The following DEFB134 variants were observed in gnomAD, a reference collection of about 807,000 sequenced individuals.
DEFB134 encodes defensin beta 134.
A neutral mutation model predicts 7.4 loss-of-function variants in DEFB134; 7 were observed. That is an observed-to-expected ratio of 0.95 (90% CI 0.54 to 1.79). DEFB134 has a LOEUF of 1.79. DEFB134 is among the 40% of genes most tolerant of loss of function. DEFB134 has a pLI of 0.00. For synonymous variants in DEFB134, 33 were observed against 25.0 expected (o/e 1.32, Z -0.96); for missense variants, 105 against 74.8 (o/e 1.40, Z -1.49).
upstream of DEFB134, among the ~76,000 whole-genome samples, chr8:12,000,295 A>G (rs184245587): frequency 6.6e-6 from 1 of 152,096 alleles, no homozygotes; most frequent in Non-Finnish European, 1.5e-5. Context: ...CTCTGATTAG[A>G]CTGTGAAATC....
intron 1 of DEFB134, 84 bp from the exon 3 acceptor site, chr8:11,994,206 C>A: frequency 1.4e-6 from 2 of 1,449,062 alleles, no homozygotes; most frequent in South Asian, 1.3e-5. Flanking sequence ...TTTATCCAAC[C>A]GGATACCAAG....
upstream of DEFB134, among the ~76,000 whole-genome samples, chr8:11,996,543 T>C (rs1800128825): frequency 1.3e-5 from 2 of 152,356 alleles, no homozygotes; most frequent in South Asian, 4.1e-4. Context: ...AACTATGTGC[T>C]CTTACTCTTT....
At chr8:11,994,801 T>C (rs1388030692) in intron 1 of DEFB134, among the ~76,000 whole-genome samples, 1 of 152,208 alleles carries the variant, frequency 6.6e-6, no homozygotes, top group African/African-American at 2.4e-5. Flanking sequence ...GAGTATGATA[T>C]AGACCTTAAC....
exon 2 of DEFB134, chr8:11,994,026 C>G (rs944743947): frequency 6.2e-7 from 1 of 1,613,894 alleles, no homozygotes; most frequent in Non-Finnish European, 8.5e-7. Context: ...CTGAAACATA[C>G]AGTAGGCAAC....
chr8:11,996,056 C>G, intron 1 of DEFB134, 138 bp downstream of exon 2: 1 of 1,004,390 alleles, frequency 1.0e-6, no homozygotes, highest in Non-Finnish European at 1.5e-6. Context: ...CCAGGTCTTG[C>G]TGACATCAAA....
Position 11,996,256 on chromosome 8 carries a change from G to A in DEFB134, c.-5C>T, listed in dbSNP as rs1286735702. 6.2e-7 allele frequency: 1 copy of A among 1,613,536 alleles called. No homozygotes were observed. The highest frequency in any genetic ancestry group is 8.5e-7 in the Non-Finnish European group (1 of 1,179,580). Reference sequence around the variant, plus strand: ...CACAACAAGGAGAGGCTTCATGGCTGGGAACTTCTGTTAAGGAGGCTAGTG... The same window carrying A: ...CACAACAAGGAGAGGCTTCATGGCTAGGAACTTCTGTTAAGGAGGCTAGTG... On this transcript the variant is annotated 5_prime_UTR_variant, in exon 1 of 2. It introduces an in-frame stop codon into an upstream open reading frame of the 5' UTR. Coordinates refer to ENST00000526438, the Ensembl canonical transcript of DEFB134.
upstream of DEFB134, among the ~76,000 whole-genome samples, chr8:11,998,840 C>T (rs777176397): frequency 4.6e-5 from 7 of 151,942 alleles, no homozygotes; most frequent in Admixed American, 1.3e-4. Flanking sequence ...CAATCAGAAA[C>T]GAGAAAGAGG....
upstream of DEFB134, among the ~76,000 whole-genome samples, chr8:11,998,457 A>G (rs1371122755): frequency 1.3e-5 from 2 of 152,060 alleles, no homozygotes; most frequent in African/African-American, 4.8e-5. Flanking sequence ...TCTTAAAAAA[A>G]AAATAAAAAA....
In DEFB134 at chr8:11,993,764, T is replaced by G. The variant is rs567810750; in HGVS notation, c.*216A>C. 22 of 501,056 alleles carry G rather than the reference T, an allele frequency of 4.4e-5. No homozygotes were observed. In the East Asian group the frequency reaches 6.5e-4, roughly 15 times the overall value. 31.0% of individuals were successfully genotyped at this position (501,056 alleles called of 1,614,324 possible). A position where few individuals can be genotyped will look rare whatever the true frequency, so the allele number is the denominator to read the frequency against. On this transcript the variant is annotated 3_prime_UTR_variant, in exon 2 of 2. Coordinates refer to ENST00000526438, the Ensembl canonical transcript of DEFB134. ...CACGTTGAGGTGAGAAAATATCTTC[T>G]ACATTGTTTTTGTGAAAAACCGAGC...
chr8:11,998,825 A>G (rs959020648), upstream of DEFB134, among the ~76,000 whole-genome samples: 2 of 152,156 alleles, frequency 1.3e-5, no homozygotes, highest in African/African-American at 4.8e-5. Context: ...AGATCCAAAA[A>G]AACACAATCA....
intron 1 of DEFB134, among the ~76,000 whole-genome samples, chr8:11,995,954 C>G (rs1044132836): frequency 2.8e-5 from 3 of 105,772 alleles, no homozygotes; most frequent in African/African-American, 6.0e-5. Context: ...CGGATCAGTT[C>G]AGCCAAAAAA....
upstream of DEFB134, among the ~76,000 whole-genome samples, chr8:11,996,577 A>T (rs188890691): frequency 3.3e-5 from 5 of 152,354 alleles, no homozygotes; most frequent in East Asian, 9.6e-4. Flanking sequence ...TTAAAATTTG[A>T]TAGGCTTTTG....
In DEFB134 at chr8:11,996,183, G is replaced by T. The variant is rs373898291; in HGVS notation, c.58+11C>A. The T allele has an allele frequency of 1.5e-5, 24 of 1,613,360 alleles. No homozygotes were observed. The highest frequency in any genetic ancestry group is 1.9e-5 in the Non-Finnish European group (22 of 1,179,514). On this transcript the variant is annotated intron_variant, in intron 1 of 1. Coordinates refer to ENST00000526438, the Ensembl canonical transcript of DEFB134. Reference sequence around the variant, plus strand: ...GAAGCACCCCTACCCCCCAAAATATGCCAGTTTTACCTGCCAGCACTGGAT... The same window carrying T: ...GAAGCACCCCTACCCCCCAAAATATTCCAGTTTTACCTGCCAGCACTGGAT...
upstream of DEFB134, among the ~76,000 whole-genome samples, chr8:11,996,676 C>G (rs1390492731): frequency 6.6e-6 from 1 of 152,168 alleles, no homozygotes; most frequent in African/African-American, 2.4e-5. Context: ...AACTGCTCTT[C>G]TCAGAGACAA....
chr8:11,995,923 A>C (rs1800106258), intron 1 of DEFB134, among the ~76,000 whole-genome samples: 1 of 148,032 alleles, frequency 6.8e-6, no homozygotes, highest in Non-Finnish European at 1.5e-5. Context: ...TTTCAAATGA[A>C]GAAACTAAGG....
At chr8:11,995,308 G>C (rs1187548296) in intron 1 of DEFB134, among the ~76,000 whole-genome samples, 3 of 152,186 alleles carry the variant, frequency 2.0e-5, no homozygotes, top group Admixed American at 6.5e-5. Flanking sequence ...AAGAGGCCTT[G>C]ATCCCATGAA....
chr8:11,997,701 G>C (rs1416599946), upstream of DEFB134, among the ~76,000 whole-genome samples: 2 of 152,188 alleles, frequency 1.3e-5, no homozygotes, highest in East Asian at 1.9e-4. Context: ...CCCAATATTG[G>C]AGCACTGAGA....
At chr8:11,997,833 A>C (rs560272058), upstream of DEFB134, among the ~76,000 whole-genome samples, 3 of 152,310 alleles carry the variant, frequency 2.0e-5, no homozygotes, top group South Asian at 6.2e-4. Context: ...ACAAATAAAG[A>C]TATTGAGGAC....
upstream of DEFB134, among the ~76,000 whole-genome samples, chr8:11,996,629 A>G (rs898712248): frequency 6.6e-6 from 1 of 152,232 alleles, no homozygotes; most frequent in Non-Finnish European, 1.5e-5. Context: ...AAATTGGTAA[A>G]ATATTAAACA....
Sources: allele counts gnomAD v4.1 joint callset (sites outside exome capture counted in the v4.1 genomes callset), GRCh38; gene constraint gnomAD v4.1.1; transcripts MANE v1.5; gene names NCBI Gene and HGNC (gene_info 2026-07-23, HGNC 2026-07-21).